The following NLGN4Y variants were observed in gnomAD, a reference collection of about 807,000 sequenced individuals.
The protein encoded by NLGN4Y is neuroligin-4, Y-linked.
A neutral mutation model predicts 8.4 loss-of-function variants in NLGN4Y; 4 were observed. The observed-to-expected ratio is 0.48, with a 90% CI of 0.23 to 1.09. The LOEUF is 1.09. NLGN4Y is among the 50% of genes least tolerant of loss of function. NLGN4Y has a pLI of 0.19. For missense variants in NLGN4Y, 90 were observed against 192.3 expected (o/e 0.47, Z 3.15); for synonymous variants, 35 against 75.6 (o/e 0.46, Z 2.78).
chrY:14,815,651 C>T (rs1603504314), intron 4 of NLGN4Y, among the ~76,000 whole-genome samples: 4 of 33,031 alleles, frequency 1.2e-4, no homozygotes, highest in African/African-American at 3.6e-4. Flanking sequence ...GGTTACAGGG[C>T]CATATATGGG....
intron 4 of NLGN4Y, among the ~76,000 whole-genome samples, chrY:14,744,749 G>GT (rs2081019326): frequency 3.0e-5 from 1 of 33,893 alleles, no homozygotes; most frequent in Non-Finnish European, 7.4e-5. Flanking sequence ...TCCAAATCAA[G>GT]TTCTAGCTGT....
intron 4 of NLGN4Y, among the ~76,000 whole-genome samples, chrY:14,817,499 T>C: frequency 2.9e-5 from 1 of 33,937 alleles, no homozygotes; most frequent in Admixed American, 2.7e-4. Context: ...ATTTGAATTG[T>C]TGTAGGCAGA....
intron 1 of NLGN4Y, among the ~76,000 whole-genome samples, chrY:14,552,805 G>T (rs974454730): frequency 1.8e-4 from 6 of 33,648 alleles, no homozygotes; most frequent in Non-Finnish European, 3.7e-4. Flanking sequence ...CAAAGCCATA[G>T]TCAATATCAT....
intron 1 of NLGN4Y, among the ~76,000 whole-genome samples, chrY:14,584,221 G>A (rs763979822): frequency 3.6e-4 from 12 of 33,471 alleles, no homozygotes; most frequent in African/African-American, 1.4e-3. Context: ...TCCCTGTCTC[G>A]AGCTCAAGCC....
chrY:14,666,090 T>C (rs758209072), intron 2 of NLGN4Y, among the ~76,000 whole-genome samples: 5 of 33,501 alleles, frequency 1.5e-4, no homozygotes, highest in African/African-American at 5.8e-4. Context: ...TATAGTTTAT[T>C]TGAGAGAATT....
chrY:14,607,586 G>T (rs2080451187), intron 1 of NLGN4Y, among the ~76,000 whole-genome samples: 1 of 33,838 alleles, frequency 3.0e-5, no homozygotes, highest in Admixed American at 2.7e-4. Context: ...AGTATTCCAT[G>T]GTGTATGTGT....
intron 4 of NLGN4Y, among the ~76,000 whole-genome samples, chrY:14,770,434 C>A (rs1048626749): frequency 6.1e-5 from 2 of 32,982 alleles, no homozygotes; most frequent in African/African-American, 2.4e-4. Flanking sequence ...ACCTCCAGCA[C>A]GCCCCAGCAG....
chrY:14,695,218 TC>T (rs2080823547), intron 2 of NLGN4Y, among the ~76,000 whole-genome samples: 1 of 33,948 alleles, frequency 2.9e-5, no homozygotes, highest in African/African-American at 1.1e-4. Context: ...ATCAGAATAT[TC>T]TATGGAATCT....
intron 1 of NLGN4Y, among the ~76,000 whole-genome samples, chrY:14,591,697 T>C: frequency 3.0e-5 from 1 of 33,383 alleles, no homozygotes; most frequent in Non-Finnish European, 7.4e-5. Flanking sequence ...CGTTGGTAGG[T>C]GCCGCAGAGG....
At chrY:14,538,492 C>T in intron 1 of NLGN4Y, among the ~76,000 whole-genome samples, 1 of 33,836 alleles carries the variant, frequency 3.0e-5, no homozygotes, top group Non-Finnish European at 7.3e-5. Context: ...AAGACATGTC[C>T]TGCATTAAAA....
chrY:14,601,719 A>G (rs2080427792), intron 1 of NLGN4Y, among the ~76,000 whole-genome samples: 1 of 31,941 alleles, frequency 3.1e-5, no homozygotes, highest in African/African-American at 1.2e-4. Flanking sequence ...CACGAAGTCA[A>G]GAGATTGAGA....
chrY:14,760,947 TA>T (rs2081078215), intron 4 of NLGN4Y, among the ~76,000 whole-genome samples: 2 of 33,838 alleles, frequency 5.9e-5, no homozygotes, highest in Non-Finnish European at 1.5e-4. Context: ...AAGATGAATT[TA>T]AAATTTAAAT....
intron 1 of NLGN4Y, among the ~76,000 whole-genome samples, chrY:14,531,462 A>G: frequency 3.1e-5 from 1 of 32,135 alleles, no homozygotes; most frequent in Non-Finnish European, 7.5e-5. Context: ...GTACATTTAC[A>G]TAATTGTATT....
intron 4 of NLGN4Y, among the ~76,000 whole-genome samples, chrY:14,739,568 T>C (rs2081000808): frequency 3.0e-5 from 1 of 32,942 alleles, no homozygotes; most frequent in Non-Finnish European, 7.5e-5. Flanking sequence ...AAATGAAGCA[T>C]AGGTTAAAGC....
At chrY:14,700,332 T>C in intron 2 of NLGN4Y, among the ~76,000 whole-genome samples, 1 of 33,574 alleles carries the variant, frequency 3.0e-5, no homozygotes, top group East Asian at 8.0e-4. Context: ...TCTCTTTGCA[T>C]TGCTCTTCTT....
At chrY:14,811,988 T>C in intron 4 of NLGN4Y, among the ~76,000 whole-genome samples, 1 of 33,503 alleles carries the variant, frequency 3.0e-5, no homozygotes, top group Non-Finnish European at 7.4e-5. Context: ...AAGATATTCC[T>C]GAGACTGGGT....
intron 2 of NLGN4Y, among the ~76,000 whole-genome samples, chrY:14,638,291 T>C (rs2080575607): frequency 3.0e-5 from 1 of 33,389 alleles, no homozygotes; most frequent in Non-Finnish European, 7.4e-5. Flanking sequence ...TTTCTGTTCT[T>C]GTGTTAGTTT....
intron 1 of NLGN4Y, among the ~76,000 whole-genome samples, chrY:14,621,280 C>T: frequency 3.0e-5 from 1 of 33,386 alleles, no homozygotes; most frequent in South Asian, 6.7e-4. Flanking sequence ...TATTTTGCTC[C>T]TACTGGAAAA....
At chrY:14,666,684 A>G (rs2080692728) in intron 2 of NLGN4Y, among the ~76,000 whole-genome samples, 1 of 33,101 alleles carries the variant, frequency 3.0e-5, no homozygotes, top group Non-Finnish European at 7.5e-5. Flanking sequence ...GTGAGAGTGC[A>G]TTTGTGATAA....
Sources: allele counts gnomAD v4.1 joint callset (sites outside exome capture counted in the v4.1 genomes callset), GRCh38; gene constraint gnomAD v4.1.1; transcripts MANE v1.5; gene names NCBI Gene and HGNC (gene_info 2026-07-23, HGNC 2026-07-21).